TNIK: variants seen among roughly 807,000 people sequenced by gnomAD.
TNIK encodes TRAF2 and NCK-interacting protein kinase.
TNIK carries 49 observed loss-of-function variants against 191.3 expected under a neutral mutation model. That is an observed-to-expected ratio of 0.26 (90% CI 0.20 to 0.32). The LOEUF (loss-of-function observed/expected upper bound fraction) is 0.32. Among genes scored for constraint, TNIK ranks in the 10% least tolerant of loss-of-function variants. TNIK has a pLI of 1.00. For synonymous variants in TNIK, 594 were observed against 600.9 expected (o/e 0.99, Z 0.17); for missense variants, 1,155 against 1,702.3 (o/e 0.68, Z 5.66).
chr3:171,289,488 A>G (rs996709988), intron 2 of TNIK, among the ~76,000 whole-genome samples: 1 of 152,242 alleles, frequency 6.6e-6, no homozygotes, highest in Non-Finnish European at 1.5e-5. Context: ...ACTGGCTCAT[A>G]TAGATTCTAT....
chr3:171,137,297 C>A (rs756803077), intron 15 of TNIK, among the ~76,000 whole-genome samples: 1 of 151,130 alleles, frequency 6.6e-6, no homozygotes, highest in African/African-American at 2.4e-5. Context: ...TTCTAGATAA[C>A]TTGAAAAAAG....
Position 171,385,845 on chromosome 3 carries a change from C to T in TNIK, c.58-16160G>A, listed in dbSNP as rs374625028. 1.0e-3 allele frequency among the ~76,000 whole-genome samples: 152 copies of T among 152,202 alleles called. 5 individuals are homozygous for T. The South Asian group carries it at 0.03, about 30-fold the overall frequency. ...AGGATTCCGTAAGCATTTCATAAGGCAAATGGATTTCAAGTATTGAACACA... is the reference window on the plus strand; with the variant it reads ...AGGATTCCGTAAGCATTTCATAAGGTAAATGGATTTCAAGTATTGAACACA... On this transcript the variant is annotated intron_variant, in intron 1 of 32. Coordinates refer to ENST00000436636, the MANE Select transcript of TNIK (RefSeq NM_015028.4).
intron 20 of TNIK, 180 bp downstream of exon 20, chr3:171,107,885 A>T (rs946715383): frequency 1.6e-4 from 86 of 536,136 alleles, no homozygotes; most frequent in Admixed American, 2.9e-4. Context: ...AGAGGAGTCA[A>T]TCCAAGATCT....
chr3:171,098,535 C>T (rs1723027780), intron 22 of TNIK, among the ~76,000 whole-genome samples: 1 of 152,068 alleles, frequency 6.6e-6, no homozygotes. Context: ...AAAATAAATG[C>T]AAAACCAGCA....
chr3:171,448,913 T>C (rs1727844428), intron 1 of TNIK, among the ~76,000 whole-genome samples: 1 of 152,106 alleles, frequency 6.6e-6, no homozygotes, highest in Non-Finnish European at 1.5e-5. Context: ...GCCCCCCATT[T>C]ACTGACAAGC....
intron 2 of TNIK, among the ~76,000 whole-genome samples, chr3:171,242,859 T>C (rs998690102): frequency 2.0e-4 from 31 of 152,226 alleles, no homozygotes; most frequent in African/African-American, 7.5e-4. Flanking sequence ...GATTGAATTA[T>C]ACTTCTTAAA....
intron 2 of TNIK, among the ~76,000 whole-genome samples, chr3:171,275,372 T>C (rs56225927): frequency 0.036 from 5,409 of 152,036 alleles, 289 homozygotes; most frequent in African/African-American, 0.12. Flanking sequence ...GAAATAGTTC[T>C]GAAGGAAATA....
chr3:171,446,790 C>A (rs571955653), intron 1 of TNIK, among the ~76,000 whole-genome samples: 37 of 152,070 alleles, frequency 2.4e-4, no homozygotes, highest in Non-Finnish European at 5.0e-4. Flanking sequence ...CTATGATCAT[C>A]ACAGAGTCAG....
At chr3:171,087,195 T>G (rs928566277) in intron 24 of TNIK, 147 bp downstream of exon 24, 1 of 1,116,802 alleles carries the variant, frequency 9.0e-7, no homozygotes, top group Non-Finnish European at 1.3e-6. Context: ...TTTCTCTATT[T>G]GAGTATCTGC....
In TNIK at chr3:171,143,198, G is replaced by A. The variant is rs555533858; in HGVS notation, c.1222-2689C>T. Among the ~76,000 whole-genome samples the A allele has an allele frequency of 7.9e-5, 12 of 152,266 alleles. No individual in the cohort carries two copies. The South Asian group carries it at 1.5e-3, about 18-fold the overall frequency. On this transcript the variant is annotated intron_variant, in intron 12 of 32. Coordinates refer to ENST00000436636, the MANE Select transcript of TNIK (RefSeq NM_015028.4). ...TGTGGTGAGGTTGGAAAAATAAATC[G>A]CTTTCCCAACCTTCTGAGGGCACCC...
chr3:171,153,118 A>T (rs1732688142), intron 12 of TNIK, among the ~76,000 whole-genome samples: 1 of 152,078 alleles, frequency 6.6e-6, no homozygotes, highest in Admixed American at 6.6e-5. Context: ...AAACCAAAAG[A>T]TGCTATTGTC....
chr3:171,232,883 C>G (rs978234171), intron 2 of TNIK, among the ~76,000 whole-genome samples: 3 of 152,196 alleles, frequency 2.0e-5, no homozygotes, highest in African/African-American at 7.2e-5. Flanking sequence ...CAACTCCTCC[C>G]TAAAATGAAT....
chr3:171,142,634 C>A (rs939892619), intron 12 of TNIK, among the ~76,000 whole-genome samples: 1 of 152,126 alleles, frequency 6.6e-6, no homozygotes, highest in East Asian at 1.9e-4. Context: ...AGGCAAGTCC[C>A]AGACATGCAA....
At chr3:171,316,389 G>T (rs917601179) in intron 2 of TNIK, among the ~76,000 whole-genome samples, 4 of 152,150 alleles carry the variant, frequency 2.6e-5, no homozygotes, top group African/African-American at 9.7e-5. Flanking sequence ...GATTAGTAGG[G>T]ATATAGAAGG....
At chr3:171,204,094 A>G (rs959599292) in intron 4 of TNIK, among the ~76,000 whole-genome samples, 11 of 152,204 alleles carry the variant, frequency 7.2e-5, no homozygotes, top group African/African-American at 2.7e-4. Context: ...TCTGAATGGC[A>G]TGCAGCAAAA....
intron 25 of TNIK, among the ~76,000 whole-genome samples, chr3:171,084,808 T>G (rs1361768529): frequency 6.6e-6 from 1 of 152,014 alleles, no homozygotes; most frequent in Non-Finnish European, 1.5e-5. Context: ...GTGTAAAACA[T>G]TGTACCCAGA....
chr3:171,183,919 C>G (rs1737026654), intron 7 of TNIK, among the ~76,000 whole-genome samples: 1 of 61,578 alleles, frequency 1.6e-5, no homozygotes, highest in Non-Finnish European at 2.6e-5. Flanking sequence ...TAGACTCCGT[C>G]TTAAAAAAAA....
At chr3:171,419,494 T>A in intron 1 of TNIK, among the ~76,000 whole-genome samples, 1 of 152,234 alleles carries the variant, frequency 6.6e-6, no homozygotes, top group East Asian at 1.9e-4. Context: ...GTGAATTGTA[T>A]TCTCCATCAC....
chr3:171,181,717 C>T (rs913342413), intron 7 of TNIK, among the ~76,000 whole-genome samples: 2 of 152,172 alleles, frequency 1.3e-5, no homozygotes, highest in East Asian at 3.8e-4. Flanking sequence ...TGAGTTATTG[C>T]CAACAGACTA....
Sources: gnomAD v4.1 joint callset for allele counts (sites outside exome capture counted in the v4.1 genomes callset) on GRCh38, gnomAD v4.1.1 for gene constraint, MANE v1.5 for transcripts, NCBI Gene and HGNC (gene_info 2026-07-23, HGNC 2026-07-21) for gene names.